TMEM132D: variants seen among roughly 807,000 people sequenced by gnomAD.
TMEM132D encodes mature OL transmembrane protein.
TMEM132D carries 21 observed loss-of-function variants against 62.3 expected under a neutral mutation model. The ratio of observed to expected loss-of-function variants is 0.34; its 90% confidence interval spans 0.24 to 0.49. TMEM132D has a LOEUF of 0.49. Among genes scored for constraint, TMEM132D ranks in the 20% least tolerant of loss-of-function variants. TMEM132D has a pLI of 0.99. For missense variants in TMEM132D, 1,346 were observed against 1,402.8 expected (o/e 0.96, Z 0.65); for synonymous variants, 621 against 575.6 (o/e 1.08, Z -1.13).
At chr12:129,275,934 T>C (rs1484684678) in intron 4 of TMEM132D, among the ~76,000 whole-genome samples, 1 of 152,168 alleles carries the variant, frequency 6.6e-6, no homozygotes, top group Non-Finnish European at 1.5e-5. Flanking sequence ...AGTGATTTGG[T>C]AGATAGGAAC....
chr12:129,664,505 C>A (rs12316380), intron 2 of TMEM132D, among the ~76,000 whole-genome samples: 36,028 of 145,658 alleles, frequency 0.25, 4,713 homozygotes, highest in African/African-American at 0.35. Flanking sequence ...GCTCACTGCA[C>A]GCTCTGCCTC....
chr12:129,688,437 G>A (rs1469187569), intron 2 of TMEM132D, among the ~76,000 whole-genome samples: 1 of 152,088 alleles, frequency 6.6e-6, no homozygotes, highest in Admixed American at 6.6e-5. Flanking sequence ...GTCCTAATGA[G>A]CCATTGCTAT....
At chr12:129,802,966 A>G (rs1871847408) in intron 1 of TMEM132D, among the ~76,000 whole-genome samples, 1 of 150,844 alleles carries the variant, frequency 6.6e-6, no homozygotes, top group Middle Eastern at 3.2e-3. Flanking sequence ...TGGTAAAGGG[A>G]TCAATTCAAC....
At chr12:129,750,521 G>A (rs183506664) in intron 1 of TMEM132D, among the ~76,000 whole-genome samples, 1 of 152,176 alleles carries the variant, frequency 6.6e-6, no homozygotes, top group African/African-American at 2.4e-5. Flanking sequence ...GACTATGATG[G>A]ACCAACATTG....
At chr12:129,820,892 C>A (rs927741803) in intron 1 of TMEM132D, among the ~76,000 whole-genome samples, 6 of 152,090 alleles carry the variant, frequency 3.9e-5, no homozygotes, top group African/African-American at 1.4e-4. Flanking sequence ...CCTGGCTGCC[C>A]CCAGATTTTA....
chr12:129,821,405 G>A (rs566118843), intron 1 of TMEM132D, among the ~76,000 whole-genome samples: 2 of 152,212 alleles, frequency 1.3e-5, no homozygotes, highest in South Asian at 2.1e-4. Flanking sequence ...TTAACAGGTG[G>A]CAAAGCTGTC....
chr12:129,465,086 A>T (rs1239761761), intron 3 of TMEM132D, among the ~76,000 whole-genome samples: 1 of 152,058 alleles, frequency 6.6e-6, no homozygotes, highest in Admixed American at 6.6e-5. Flanking sequence ...CACGATATTG[A>T]TTCTTCCTAC....
At chr12:129,777,898 C>T (rs980549670) in intron 1 of TMEM132D, among the ~76,000 whole-genome samples, 3 of 152,054 alleles carry the variant, frequency 2.0e-5, no homozygotes, top group Non-Finnish European at 4.4e-5. Flanking sequence ...CTTCGGGAAG[C>T]CGAGGTGGGA....
chr12:129,218,509 T>A (rs930153830), intron 4 of TMEM132D, among the ~76,000 whole-genome samples: 1 of 152,172 alleles, frequency 6.6e-6, no homozygotes, highest in Non-Finnish European at 1.5e-5. Context: ...ATGGTAAGTA[T>A]TTGTGTATCT....
At chr12:129,432,133 G>A (rs1442358005) in intron 3 of TMEM132D, among the ~76,000 whole-genome samples, 5 of 145,306 alleles carry the variant, frequency 3.4e-5, no homozygotes, top group African/African-American at 1.3e-4. Flanking sequence ...GTGGATGGAT[G>A]GATGGATGGA....
intron 1 of TMEM132D, among the ~76,000 whole-genome samples, chr12:129,869,522 T>C (rs1417886591): frequency 6.6e-6 from 1 of 152,266 alleles, no homozygotes; most frequent in Non-Finnish European, 1.5e-5. Context: ...ATTGCTTTCA[T>C]ATTTGCATTT....
rs998182535 is a variant in TMEM132D, at chr12:129,209,645, T to C, written c.1318A>G (p.Thr440Ala). 1.2e-6 allele frequency: 2 copies of C among 1,614,200 alleles called. No individual in the cohort carries two copies. Among genetic ancestry groups the C allele is most frequent in the Non-Finnish European group, 8.5e-7 (1 of 1,180,034 alleles). Reference sequence around the variant, plus strand: ...ACCGTCTTCCCCGTGAGGATGGCTGTGTTCAGGATTTCTGCCTCCTGGAAG... The same window carrying C: ...ACCGTCTTCCCCGTGAGGATGGCTGCGTTCAGGATTTCTGCCTCCTGGAAG... ...PLAMEAEILNTAILTGKTVAV... is the reference protein window; with the variant it reads ...PLAMEAEILNAAILTGKTVAV... Residue 440 changes from threonine (T) to alanine (A), a missense_variant, in exon 5 of 9, where the codon ACA becomes GCA. Transcript: ENST00000422113.
chr12:129,831,876 CTTT>C (rs71085576), intron 1 of TMEM132D, among the ~76,000 whole-genome samples: 1 of 134,898 alleles, frequency 7.4e-6, no homozygotes, highest in Admixed American at 7.9e-5. Context: ...CTTTCTTTTT[CTTT>C]TTTTTTTTTG....
intron 1 of TMEM132D, among the ~76,000 whole-genome samples, chr12:129,796,109 T>C (rs1871553969): frequency 6.6e-6 from 1 of 151,810 alleles, no homozygotes; most frequent in African/African-American, 2.4e-5. Context: ...CTGAGGAGGG[T>C]GGGTTGCTTG....
At chr12:129,491,323 T>C (rs1251697947) in intron 3 of TMEM132D, among the ~76,000 whole-genome samples, 1 of 152,224 alleles carries the variant, frequency 6.6e-6, no homozygotes, top group African/African-American at 2.4e-5. Flanking sequence ...GATTTTATCA[T>C]ATTTATTTCA....
chr12:129,833,560 G>A (rs1267250134), intron 1 of TMEM132D, among the ~76,000 whole-genome samples: 1 of 152,198 alleles, frequency 6.6e-6, no homozygotes, highest in Non-Finnish European at 1.5e-5. Context: ...AGGAGTTCGA[G>A]GCTGCTGTGA....
chr12:129,565,883 T>G (rs561492998), intron 2 of TMEM132D, among the ~76,000 whole-genome samples: 1 of 152,208 alleles, frequency 6.6e-6, no homozygotes, highest in Non-Finnish European at 1.5e-5. Flanking sequence ...GGAAGCACAC[T>G]CACAATGTGA....
intron 4 of TMEM132D, 139 bp from the exon 5 acceptor site, chr12:129,209,802 C>T (rs1212353105): frequency 6.0e-6 from 7 of 1,173,718 alleles, no homozygotes; most frequent in Non-Finnish European, 7.2e-6. Flanking sequence ...TGGCAGTCCG[C>T]ACCAGCTGGC....
intron 6 of TMEM132D, among the ~76,000 whole-genome samples, chr12:129,083,962 A>C (rs1020607061): frequency 6.6e-6 from 1 of 152,172 alleles, no homozygotes; most frequent in African/African-American, 2.4e-5. Context: ...CAAGGCAGAG[A>C]GCTCAGAGCT....
Sources: allele counts gnomAD v4.1 joint callset (sites outside exome capture counted in the v4.1 genomes callset), GRCh38; gene constraint gnomAD v4.1.1; transcripts MANE v1.5; gene names NCBI Gene and HGNC (gene_info 2026-07-23, HGNC 2026-07-21).